MEI4: variants seen among roughly 807,000 people sequenced by gnomAD.
MEI4 encodes the protein meiosis-specific protein MEI4.
MEI4 carries 27 observed loss-of-function variants against 31.4 expected under a neutral mutation model. The ratio of observed to expected loss-of-function variants is 0.86; its 90% CI spans 0.63 to 1.19. The LOEUF (loss-of-function observed/expected upper bound fraction) is 1.19, where lower values mean the gene tolerates loss of function less well. Among genes scored for constraint, MEI4 ranks in the 50% most tolerant of loss-of-function variants. The pLI, the probability that MEI4 is intolerant of heterozygous loss-of-function variation, is 0.00. For missense variants in MEI4, 329 were observed against 398.9 expected, an observed-to-expected ratio of 0.82 and a Z score of 1.49; for synonymous variants, 122 against 145.4, an observed-to-expected ratio of 0.84 and a Z score of 1.16.
chr6:77,886,813 A>G (rs934289170), intron 4 of MEI4, among the ~76,000 whole-genome samples: 1 of 151,904 alleles, frequency 6.6e-6, no homozygotes, highest in African/African-American at 2.4e-5. Context: ...CTCCATTTTC[A>G]TATTGATTTT....
chr6:77,705,119 T>C (rs1290609693), intron 2 of MEI4, among the ~76,000 whole-genome samples: 1 of 152,172 alleles, frequency 6.6e-6, no homozygotes, highest in African/African-American at 2.4e-5. Flanking sequence ...ATAAACATAA[T>C]AGGGATCTAA....
Position 77,925,601 on chromosome 6 carries a change from G to C in MEI4, c.*2255G>C, listed in dbSNP as rs758101337. On this transcript the variant is annotated 3_prime_UTR_variant, in exon 5 of 5. Transcript: ENST00000684080. ...GTCTAACTTTAGAATTAAGGTTTTA[G>C]GGATAAGAGTAATGGAGTCAGTAGT... The C allele has an allele frequency of 1.3e-5, 2 of 151,386 alleles. No homozygotes were observed. The highest frequency in any genetic ancestry group is 6.6e-5 in the Admixed American group (1 of 15,098). The allele number at this position is 151,386 out of a possible 1,614,324, so 9.4% of individuals were successfully genotyped here.
intron 2 of MEI4, among the ~76,000 whole-genome samples, chr6:77,754,110 G>A (rs892869034): frequency 4.6e-5 from 7 of 152,094 alleles, no homozygotes; most frequent in Admixed American, 4.6e-4. Flanking sequence ...GGGGTTAGGG[G>A]GGTTCTGGGG....
At chr6:77,696,690 C>T (rs554713922) in intron 2 of MEI4, among the ~76,000 whole-genome samples, 8 of 151,670 alleles carry the variant, frequency 5.3e-5, no homozygotes, top group African/African-American at 1.9e-4. Flanking sequence ...AGGATTTTTG[C>T]ATCAATGTTC....
intron 4 of MEI4, among the ~76,000 whole-genome samples, chr6:77,881,033 CTT>C (rs1052686878): frequency 6.7e-6 from 1 of 149,338 alleles, no homozygotes; most frequent in South Asian, 2.1e-4. Context: ...ATGACCTCAT[CTT>C]TTTTTTGACA....
intron 2 of MEI4, among the ~76,000 whole-genome samples, chr6:77,745,683 C>T (rs1190113693): frequency 1.8e-4 from 27 of 152,284 alleles, no homozygotes; most frequent in Non-Finnish European, 3.7e-4. Flanking sequence ...TTCAGCACCA[C>T]ACCACACCTA....
chr6:77,701,903 C>A (rs972217644), intron 2 of MEI4, among the ~76,000 whole-genome samples: 8 of 152,046 alleles, frequency 5.3e-5, no homozygotes, highest in Non-Finnish European at 1.0e-4. Context: ...TCCCGAGAAA[C>A]AACCAACCCA....
chr6:77,763,821 CTTTT>C (rs910699700), intron 3 of MEI4, among the ~76,000 whole-genome samples: 1 of 149,190 alleles, frequency 6.7e-6, no homozygotes, highest in Non-Finnish European at 1.5e-5. Flanking sequence ...TGTTGGGAGA[CTTTT>C]TTTTTTCTAG....
Position 77,716,130 on chromosome 6 carries a change from C to T in MEI4, c.232+25227C>T, listed in dbSNP as rs9448179. On this transcript the variant is annotated intron_variant, in intron 2 of 4. Coordinates refer to ENST00000684080, the MANE Select transcript of MEI4 (RefSeq NM_001322247.2). ...ATACACTGGCAAAACAGATATGGCA[C>T]TTTCTCTTTGGAGTTTACAGTCAAA... 7.0e-3 allele frequency among the ~76,000 whole-genome samples: 1,062 copies of T among 152,320 alleles called. 13 individuals carry two copies. Among genetic ancestry groups the T allele is most frequent in the African/African-American group, 0.024 (1,002 of 41,582 alleles).
At chr6:77,915,976 G>T (rs144518069) in intron 4 of MEI4, among the ~76,000 whole-genome samples, 147 of 151,500 alleles carry the variant, frequency 9.7e-4, no homozygotes, top group Non-Finnish European at 1.8e-3. Context: ...CTTTATTTTT[G>T]TCTGACTGGG....
At chr6:77,751,408 A>G (rs1055808439) in intron 2 of MEI4, among the ~76,000 whole-genome samples, 1 of 152,206 alleles carries the variant, frequency 6.6e-6, no homozygotes, top group Non-Finnish European at 1.5e-5. Context: ...GAAGAATCAA[A>G]TAGATGAAAT....
At chr6:77,879,011 T>TC (rs1394293057) in intron 4 of MEI4, among the ~76,000 whole-genome samples, 1 of 152,158 alleles carries the variant, frequency 6.6e-6, no homozygotes, top group Admixed American at 6.5e-5. Flanking sequence ...CCAATTTTTT[T>TC]CAATGTTGCT....
chr6:77,713,869 G>A (rs116999637), intron 2 of MEI4, among the ~76,000 whole-genome samples: 1,529 of 152,074 alleles, frequency 0.01, 17 homozygotes, highest in Non-Finnish European at 0.017. Flanking sequence ...AGGAGCCCCC[G>A]TAATAGGTTG....
intron 2 of MEI4, among the ~76,000 whole-genome samples, chr6:77,691,455 C>T (rs1213566949): frequency 6.6e-6 from 1 of 152,016 alleles, no homozygotes. Context: ...TACCTCTGGC[C>T]CTCAAAGTTC....
At chr6:77,856,916 A>G (rs1770759906) in intron 4 of MEI4, among the ~76,000 whole-genome samples, 1 of 152,098 alleles carries the variant, frequency 6.6e-6, no homozygotes, top group Non-Finnish European at 1.5e-5. Context: ...TTTGTATTAT[A>G]TGTTAATAAT....
At chr6:77,873,763 T>C (rs1771258691) in intron 4 of MEI4, among the ~76,000 whole-genome samples, 1 of 152,186 alleles carries the variant, frequency 6.6e-6, no homozygotes, top group Non-Finnish European at 1.5e-5. Flanking sequence ...CTTTAATCCA[T>C]CTTGAATTAA....
In MEI4 at chr6:77,883,717, G is replaced by GATATAT. The variant is rs570185624; in HGVS notation, c.901-39350_901-39345dup. On this transcript the variant is annotated intron_variant, in intron 4 of 4. Transcript: ENST00000684080. ...TATGCAATGAAATGCTATTATGTAAGATATATATATATATATATATATATA... is the reference window on the plus strand; with the variant it reads ...TATGCAATGAAATGCTATTATGTAAGATATATATATATATATATATATATATATATA... Among the ~76,000 whole-genome samples the GATATAT allele has an allele frequency of 9.6e-3, 416 of 43,316 alleles. 7 individuals carry two copies. The highest frequency in any genetic ancestry group is 0.066 in the African/African-American group (351 of 5,312). The allele number at this position is 43,316 out of a possible 152,430, so 28.4% of individuals were successfully genotyped here.
At position 77,872,566 on chromosome 6, in the gene MEI4, A is replaced by G. The variant is rs1482791531; in HGVS notation, c.900+43504A>G. On this transcript the variant is annotated intron_variant, in intron 4 of 4. Transcript: ENST00000684080. Reference sequence around the variant, plus strand: ...AAAAAGGCAGGCAGTTTATTTTTTTATTTTTTATTTATTTTATTTTATTAT... The same window carrying G: ...AAAAAGGCAGGCAGTTTATTTTTTTGTTTTTTATTTATTTTATTTTATTAT... 2.6e-5 allele frequency among the ~76,000 whole-genome samples: 4 copies of G among 151,856 alleles called. No homozygotes were observed. In the East Asian group the frequency reaches 7.7e-4, roughly 29 times the overall value.
chr6:77,842,647 T>G (rs1770393121), intron 4 of MEI4, among the ~76,000 whole-genome samples: 2 of 152,118 alleles, frequency 1.3e-5, no homozygotes, highest in South Asian at 2.1e-4. Flanking sequence ...AATTTGTATC[T>G]TTCCCTTCTT....
Sources: allele counts gnomAD v4.1 joint callset (sites outside exome capture counted in the v4.1 genomes callset), GRCh38; gene constraint gnomAD v4.1.1; transcripts MANE v1.5; gene names NCBI Gene and HGNC (gene_info 2026-07-23, HGNC 2026-07-21).